RSRC1: variants seen among roughly 807,000 people sequenced by gnomAD.
The protein encoded by RSRC1 is arginine and serine rich coiled-coil 1.
RSRC1 carries 39 observed loss-of-function variants against 49.1 expected under a neutral mutation model. The ratio of observed to expected loss-of-function variants is 0.79; its 90% CI spans 0.61 to 1.04. RSRC1 has a LOEUF of 1.04. RSRC1 is among the 50% of genes least tolerant of loss of function. RSRC1 has a pLI of 0.00. For synonymous variants in RSRC1, 143 were observed against 130.8 expected, an observed-to-expected ratio of 1.09 and a Z score of -0.63; for missense variants, 388 against 402.4, an observed-to-expected ratio of 0.96 and a Z score of 0.31.
chr3:158,425,820 A>T (rs189604895), intron 6 of RSRC1, among the ~76,000 whole-genome samples: 50 of 151,906 alleles, frequency 3.3e-4, no homozygotes, highest in African/African-American at 1.1e-3. Flanking sequence ...GTTTAATTTT[A>T]AAAATTCATA....
intron 6 of RSRC1, among the ~76,000 whole-genome samples, chr3:158,450,758 A>G (rs79786211): frequency 6.6e-5 from 10 of 151,998 alleles, no homozygotes; most frequent in African/African-American, 1.9e-4. Context: ...GATAAAACTC[A>G]GTAAAAACTA....
intron 7 of RSRC1, among the ~76,000 whole-genome samples, chr3:158,521,748 G>A (rs1265887067): frequency 6.6e-6 from 1 of 152,010 alleles, no homozygotes; most frequent in Non-Finnish European, 1.5e-5. Flanking sequence ...AAAACACTTA[G>A]TAAAAACAAA....
chr3:158,224,283 T>G (rs1047153763), intron 4 of RSRC1, among the ~76,000 whole-genome samples: 5 of 151,876 alleles, frequency 3.3e-5, no homozygotes, highest in Non-Finnish European at 7.4e-5. Flanking sequence ...CTTTAAAATT[T>G]AATGTAGAAT....
chr3:158,195,525 G>C (rs1001775006), intron 3 of RSRC1, among the ~76,000 whole-genome samples: 3 of 152,130 alleles, frequency 2.0e-5, no homozygotes, highest in South Asian at 4.2e-4. Context: ...TGTCAGTTTT[G>C]GCTTTTGTTG....
intron 4 of RSRC1, among the ~76,000 whole-genome samples, chr3:158,272,031 A>G (rs1454696558): frequency 6.6e-6 from 1 of 152,124 alleles, no homozygotes; most frequent in African/African-American, 2.4e-5. Flanking sequence ...CTCATATGCC[A>G]ATTTGTTGTT....
At chr3:158,182,369 C>G (rs1234484091) in intron 3 of RSRC1, among the ~76,000 whole-genome samples, 1 of 152,134 alleles carries the variant, frequency 6.6e-6, no homozygotes, top group African/African-American at 2.4e-5. Context: ...AATACTTTTT[C>G]TTAGGTGATA....
chr3:158,144,140 A>G (rs1476102818), intron 3 of RSRC1, among the ~76,000 whole-genome samples: 1 of 152,060 alleles, frequency 6.6e-6, no homozygotes, highest in Non-Finnish European at 1.5e-5. Flanking sequence ...TTTTTTTTAA[A>G]TTATTTTATT....
chr3:158,467,388 A>G (rs1271902251), intron 7 of RSRC1, among the ~76,000 whole-genome samples: 1 of 152,226 alleles, frequency 6.6e-6, no homozygotes, highest in Non-Finnish European at 1.5e-5. Flanking sequence ...GACCTTAGGT[A>G]GTCCCTTTGA....
chr3:158,466,895 C>G (rs1010044266), intron 7 of RSRC1, among the ~76,000 whole-genome samples: 4 of 151,890 alleles, frequency 2.6e-5, no homozygotes, highest in African/African-American at 9.7e-5. Context: ...GACCCTGTCT[C>G]AAAAAGAAAA....
At chr3:158,209,394 A>G (rs1015942014) in intron 4 of RSRC1, among the ~76,000 whole-genome samples, 4 of 152,060 alleles carry the variant, frequency 2.6e-5, no homozygotes, top group Non-Finnish European at 5.9e-5. Context: ...TCAATCTTGG[A>G]CTTCCCAGCA....
intron 7 of RSRC1, among the ~76,000 whole-genome samples, chr3:158,529,856 G>A (rs1712277919): frequency 6.6e-6 from 1 of 151,912 alleles, no homozygotes. Flanking sequence ...CATCTCTTTA[G>A]TCACTGAAGC....
intron 7 of RSRC1, among the ~76,000 whole-genome samples, chr3:158,480,498 C>A (rs774508715): frequency 1.3e-5 from 2 of 151,738 alleles, no homozygotes; most frequent in South Asian, 2.1e-4. Context: ...GCTCTGAATG[C>A]GAAATTTGGT....
chr3:158,312,840 G>C (rs574458058), intron 5 of RSRC1, among the ~76,000 whole-genome samples: 1 of 152,138 alleles, frequency 6.6e-6, no homozygotes. Context: ...TTTAGTGCTT[G>C]CTGCCTGGAC....
Position 158,267,860 on chromosome 3 carries a change from ATTT to A in RSRC1, c.495-30163_495-30161del, listed in dbSNP as rs368565806. 3.5e-3 allele frequency among the ~76,000 whole-genome samples: 437 copies of A among 125,038 alleles called. 3 individuals are homozygous for A. Among genetic ancestry groups the A allele is most frequent in the Non-Finnish European group, 5.3e-3 (333 of 62,552 alleles). 82.0% of individuals were successfully genotyped at this position (125,038 alleles called of 152,430 possible). A position where few individuals can be genotyped will look rare whatever the true frequency, so the allele number is the denominator to read the frequency against. ...TCTTATGCTGTTTGTTTCCATATCT[ATTT>A]TTTTTTTTTTTTTTTGGCTTAAAAA... On this transcript the variant is annotated intron_variant, in intron 4 of 9. Coordinates refer to ENST00000611884, the MANE Select transcript of RSRC1 (RefSeq NM_001271838.2).
At chr3:158,420,931 A>T (rs1419162217) in intron 6 of RSRC1, among the ~76,000 whole-genome samples, 1 of 151,938 alleles carries the variant, frequency 6.6e-6, no homozygotes, top group African/African-American at 2.4e-5. Context: ...TATTTGTTCA[A>T]CTAAGAATGT....
At position 158,298,069 on chromosome 3, in the gene RSRC1, A is replaced by G; in HGVS notation, c.525A>G (p.Glu175=). ...GESGNIKAGL[E]HLPPAEQAKA... The stretch of plus-strand genomic sequence containing the variant: ...CTGGAAACATCAAAGCTGGATTAGA[A>G]CATCTGGTAAGTTCTCATTTTCTCT... Residue 175 remains glutamate, a synonymous_variant, in exon 5 of 10, where the codon GAA becomes GAG. Transcript: ENST00000611884. 1 of 1,604,104 alleles carries G rather than the reference A, an allele frequency of 6.2e-7. No individual in the cohort carries two copies. The highest frequency in any genetic ancestry group is 1.1e-5 in the South Asian group (1 of 90,706).
At chr3:158,517,123 C>A (rs1323715284) in intron 7 of RSRC1, among the ~76,000 whole-genome samples, 1 of 152,136 alleles carries the variant, frequency 6.6e-6, no homozygotes, top group Admixed American at 6.6e-5. Flanking sequence ...GCTCCTCCCT[C>A]CATTTGTTGG....
intron 4 of RSRC1, chr3:158,275,963 G>A: frequency 1.3e-6 from 1 of 750,930 alleles, no homozygotes; most frequent in Non-Finnish European, 2.4e-6. Flanking sequence ...CTTGTGGACT[G>A]GTTCGGTGAT....
intron 4 of RSRC1, among the ~76,000 whole-genome samples, chr3:158,287,788 A>G (rs1361338714): frequency 3.3e-5 from 5 of 152,210 alleles, no homozygotes; most frequent in Non-Finnish European, 5.9e-5. Context: ...AAACAAGGAC[A>G]TATTGAAGCT....
Sources: allele counts gnomAD v4.1 joint callset (sites outside exome capture counted in the v4.1 genomes callset), GRCh38; gene constraint gnomAD v4.1.1; transcripts MANE v1.5; gene names NCBI Gene and HGNC (gene_info 2026-07-23, HGNC 2026-07-21).